C5orf58: variants seen among roughly 807,000 people sequenced by gnomAD.
The protein encoded by C5orf58 is putative uncharacterized protein C5orf58.
C5orf58 carries 2 observed loss-of-function variants against 2.9 expected under a neutral mutation model. That is an observed-to-expected ratio of 0.69 (90% CI 0.28 to 2.18). The LOEUF is 2.18. Ranked by LOEUF, C5orf58 falls within the 30% of genes most tolerant of loss-of-function variation. The pLI is 0.13. For missense variants in C5orf58, 96 were observed against 91.7 expected (o/e 1.05, Z -0.19); for synonymous variants, 37 against 33.4 (o/e 1.11, Z -0.37).
At chr5:170,238,976 G>A (rs1760860584) in intron 3 of C5orf58, among the ~76,000 whole-genome samples, 1 of 152,188 alleles carries the variant, frequency 6.6e-6, no homozygotes, top group Admixed American at 6.5e-5. Flanking sequence ...GGGATAAAAG[G>A]AGTCTCTAGG....
At chr5:170,245,101 G>A (rs1471525288) in intron 3 of C5orf58, among the ~76,000 whole-genome samples, 2 of 152,180 alleles carry the variant, frequency 1.3e-5, no homozygotes, top group Non-Finnish European at 2.9e-5. Context: ...CAGGGGTCAG[G>A]GACCCACTTG....
At chr5:170,251,945 G>T in exon 3 of C5orf58, 2 of 247,432 alleles carry the variant, frequency 8.1e-6, no homozygotes, top group East Asian at 8.3e-5. Context: ...TAAAGTTTCG[G>T]CACTGGCTAC....
chr5:170,240,885 C>T (rs1333842543), intron 3 of C5orf58, among the ~76,000 whole-genome samples: 1 of 151,962 alleles, frequency 6.6e-6, no homozygotes, highest in East Asian at 1.9e-4. Context: ...CCTAGGTTTT[C>T]TTCTAGGGTT....
At chr5:170,251,625 TC>T (rs1295851070) in intron 2 of C5orf58, 1 of 456,146 alleles carries the variant, frequency 2.2e-6, no homozygotes, top group Admixed American at 2.3e-5. Context: ...ATAATGACTT[TC>T]CTTTGTTCCT....
chr5:170,237,441 C>T, intron 3 of C5orf58: 4 of 395,514 alleles, frequency 1.0e-5, no homozygotes, highest in Non-Finnish European at 1.8e-5. Context: ...AGCAACTAGT[C>T]AGTGGTACAC....
downstream of C5orf58, chr5:170,248,651 T>C (rs763204699): frequency 1.9e-6 from 3 of 1,607,752 alleles, no homozygotes; most frequent in Non-Finnish European, 2.5e-6. Flanking sequence ...GATCTCGTGT[T>C]GGCAACAGAG....
At chr5:170,236,815 A>G (rs1210519232) in intron 3 of C5orf58, among the ~76,000 whole-genome samples, 1 of 152,116 alleles carries the variant, frequency 6.6e-6, no homozygotes, top group Non-Finnish European at 1.5e-5. Flanking sequence ...ACAATGGAAA[A>G]CTTTTTTTGA....
downstream of C5orf58, chr5:170,248,802 T>TGAC: frequency 6.2e-7 from 1 of 1,612,488 alleles, no homozygotes; most frequent in Non-Finnish European, 8.5e-7. Context: ...CAATAATATC[T>TGAC]GACACAGACA....
In C5orf58 at chr5:170,235,925, C is replaced by G. The variant is rs189842534; in HGVS notation, c.94+855C>G. ...TAATTCAGAGGTTTAAAGATTTTGT[C>G]AGGGACCAGGCTCTTTCCATCTTTC... On this transcript the variant is annotated intron_variant, in intron 3 of 3. Coordinates refer to ENST00000593851, the MANE Select transcript of C5orf58 (RefSeq NM_001102609.3). Among the ~76,000 whole-genome samples the G allele has an allele frequency of 4.1e-3, 630 of 152,292 alleles. 2 individuals carry two copies. The highest frequency in any genetic ancestry group is 6.5e-3 in the Non-Finnish European group (444 of 68,020).
chr5:170,252,194 A>T, exon 3 of C5orf58: 1 of 343,554 alleles, frequency 2.9e-6, no homozygotes, highest in Non-Finnish European at 5.4e-6. Context: ...ATCTCCTAAG[A>T]TGCTGCCAAC....
chr5:170,233,334 G>T (rs1760594749), intron 1 of C5orf58: 1 of 152,424 alleles, frequency 6.6e-6, no homozygotes, highest in South Asian at 2.1e-4. Context: ...CGAGGACTGT[G>T]GAAACTTCCA....
intron 2 of C5orf58, among the ~76,000 whole-genome samples, chr5:170,234,411 G>A (rs1172534620): frequency 6.6e-6 from 1 of 152,176 alleles, no homozygotes; most frequent in Non-Finnish European, 1.5e-5. Context: ...ATAGGAATGC[G>A]TTGATTTATA....
chr5:170,244,878 T>G (rs1312366057), intron 3 of C5orf58, among the ~76,000 whole-genome samples: 1 of 152,092 alleles, frequency 6.6e-6, no homozygotes, highest in Non-Finnish European at 1.5e-5. Context: ...GTTTCCAGTT[T>G]TTCTGTTCTG....
At position 170,234,054 on chromosome 5, in the gene C5orf58, G is replaced by A. The variant is rs1760635916; in HGVS notation, c.-84-61G>A. On this transcript the variant is annotated intron_variant, in intron 1 of 3. Transcript: ENST00000593851. ...CAAGGAAGGCAGCTGACATCCTGGA[G>A]AATGGGGTCTTGGGGGTAGATGCAA... is the stretch of plus-strand genomic sequence containing the variant. 2.5e-5 allele frequency: 25 copies of A among 998,102 alleles called. No individual in the cohort carries two copies. In the South Asian group the frequency reaches 3.3e-4, roughly 13 times the overall value. 61.8% of individuals were successfully genotyped at this position (998,102 alleles called of 1,614,324 possible).
chr5:170,249,689 A>G (rs1020714233), downstream of C5orf58, among the ~76,000 whole-genome samples: 1 of 152,172 alleles, frequency 6.6e-6, no homozygotes, highest in Non-Finnish European at 1.5e-5. Context: ...AGGCTCAGCA[A>G]CCAATATTTG....
chr5:170,245,930 C>T, intron 3 of C5orf58, 32 bp from the exon 4 acceptor site: 1 of 1,588,244 alleles, frequency 6.3e-7, no homozygotes, highest in South Asian at 1.1e-5. Context: ...ATATGTGCTA[C>T]AATATAATAT....
intron 3 of C5orf58, among the ~76,000 whole-genome samples, chr5:170,237,094 C>A (rs1760774173): frequency 6.6e-6 from 1 of 152,146 alleles, no homozygotes; most frequent in Non-Finnish European, 1.5e-5. Context: ...GGAGAATATT[C>A]TTTCATAAAA....
downstream of C5orf58, chr5:170,246,900 C>T (rs140741694): frequency 2.2e-4 from 33 of 152,332 alleles, no homozygotes; most frequent in African/African-American, 7.9e-4. Context: ...AGCTTCCCAA[C>T]ATTGATTTCA....
chr5:170,252,326 A>G (rs979012834), downstream of C5orf58: 10 of 608,698 alleles, frequency 1.6e-5, no homozygotes, highest in African/African-American at 1.5e-4. Context: ...ACAGAAAGCA[A>G]CAGCACCTAG....
Sources: gnomAD v4.1 joint callset for allele counts (sites outside exome capture counted in the v4.1 genomes callset) on GRCh38, gnomAD v4.1.1 for gene constraint, MANE v1.5 for transcripts, NCBI Gene and HGNC (gene_info 2026-07-23, HGNC 2026-07-21) for gene names.